Variants in SUCLA2 observed in about 807,000 individuals in gnomAD.
SUCLA2 encodes succinate-CoA ligase ADP-forming subunit beta, also known as succinate--CoA ligase [ADP-forming] subunit beta, mitochondrial.
A neutral mutation model predicts 54.8 loss-of-function variants in SUCLA2; 30 were observed. That is an observed-to-expected ratio of 0.55 (90% CI 0.41 to 0.74). The LOEUF (loss-of-function observed/expected upper bound fraction) is 0.74, where lower values mean the gene tolerates loss of function less well. Among genes scored for constraint, SUCLA2 ranks in the 30% least tolerant of loss-of-function variants. The pLI is 0.00. For synonymous variants in SUCLA2, 172 were observed against 188.9 expected, an observed-to-expected ratio of 0.91 and a Z score of 0.74; for missense variants, 476 against 562.9, an observed-to-expected ratio of 0.85 and a Z score of 1.56.
At chr13:47,949,264 A>C (rs1381064247) in intron 9 of SUCLA2, among the ~76,000 whole-genome samples, 3 of 152,234 alleles carry the variant, frequency 2.0e-5, no homozygotes, top group Non-Finnish European at 4.4e-5. Context: ...ATTCAAGACA[A>C]ATCACAACAA....
intron 9 of SUCLA2, 62 bp downstream of exon 9, chr13:47,949,421 C>G: frequency 1.3e-6 from 2 of 1,585,308 alleles, no homozygotes; most frequent in Non-Finnish European, 1.7e-6. Context: ...ACAAACTGAA[C>G]TCCATGGAAA....
At chr13:47,945,412 G>T in intron 10 of SUCLA2, among the ~76,000 whole-genome samples, 1 of 86,812 alleles carries the variant, frequency 1.2e-5, no homozygotes, top group African/African-American at 4.4e-5. Flanking sequence ...GACAGAGCAA[G>T]ACTCAGTCTC....
chr13:47,996,436 A>G (rs1269050049), intron 2 of SUCLA2, among the ~76,000 whole-genome samples: 1 of 151,824 alleles, frequency 6.6e-6, no homozygotes, highest in Non-Finnish European at 1.5e-5. Flanking sequence ...AAAAAAATGG[A>G]GGGGGAAGCA....
chr13:47,999,300 A>C (rs1950211093), intron 1 of SUCLA2, among the ~76,000 whole-genome samples: 1 of 152,230 alleles, frequency 6.6e-6, no homozygotes, highest in African/African-American at 2.4e-5. Context: ...CACTGCGGTT[A>C]TTTGGAAGAA....
intron 6 of SUCLA2, among the ~76,000 whole-genome samples, chr13:47,955,365 C>A (rs1949812091): frequency 6.6e-6 from 1 of 152,044 alleles, no homozygotes. Flanking sequence ...CAACACCCAG[C>A]TAATTTTTGT....
chr13:47,982,749 A>C (rs1326896867), intron 4 of SUCLA2, among the ~76,000 whole-genome samples: 1 of 151,578 alleles, frequency 6.6e-6, no homozygotes, highest in Non-Finnish European at 1.5e-5. Flanking sequence ...AAGCTTGGGG[A>C]GCTTTGGGTT....
At chr13:47,996,802 C>G in intron 2 of SUCLA2, 41 bp downstream of exon 2, 3 of 1,595,606 alleles carry the variant, frequency 1.9e-6, no homozygotes, top group Non-Finnish European at 2.6e-6. Context: ...CTTCTCAGAG[C>G]TCTCATGTCA....
At chr13:47,974,189 A>G (rs1006957657) in intron 4 of SUCLA2, among the ~76,000 whole-genome samples, 20 of 152,200 alleles carry the variant, frequency 1.3e-4, no homozygotes, top group South Asian at 4.1e-4. Context: ...CATTAAAAGT[A>G]TTGCTTAAAG....
In SUCLA2 at chr13:47,949,690, T is replaced by C; in HGVS notation, c.1108-87A>G. On this transcript the variant is annotated intron_variant, in intron 8 of 10. Coordinates refer to ENST00000646932, the MANE Select transcript of SUCLA2 (RefSeq NM_003850.3). The stretch of plus-strand genomic sequence containing the variant: ...AAATACTAGTATATGTGCTTCATGA[T>C]AAACATTAACTTGATAGAAAGATTT... 8.1e-6 allele frequency: 11 copies of C among 1,351,630 alleles called. No homozygotes were observed. The South Asian group carries it at 1.1e-4, about 13-fold the overall frequency. The allele number at this position is 1,351,630 out of a possible 1,614,324, so 83.7% of individuals were successfully genotyped here. A position where few individuals can be genotyped will look rare whatever the true frequency, so the allele number is the denominator to read the frequency against.
At chr13:47,948,834 A>G in intron 10 of SUCLA2, 106 bp downstream of exon 10, 2 of 1,062,856 alleles carry the variant, frequency 1.9e-6, no homozygotes, top group East Asian at 2.4e-5. Flanking sequence ...CATTCATTAC[A>G]CTCATAATAT....
Position 47,943,421 on chromosome 13 carries a change from T to C in SUCLA2, c.1342A>G (p.Thr448Ala), listed in dbSNP as rs1949701103. Residue 448 changes from threonine to alanine, a missense_variant, in exon 11 of 11, where the codon ACC (threonine) becomes GCC (alanine). Thr to Ala is a moderately conservative substitution (Grantham distance 58). Coordinates refer to ENST00000646932, the MANE Select transcript of SUCLA2 (RefSeq NM_003850.3). ...RMVVKLSEIV[T>A]LAKQAHVDVK... ...TCCACATGTGCTTGCTTCGCTAAGG[T>C]CACTATTTCAGAGAGCTTTACAACC... 1 of 1,613,884 alleles carries C rather than the reference T, an allele frequency of 6.2e-7. No individual in the cohort carries two copies. The highest frequency in any genetic ancestry group is 8.5e-7 in the Non-Finnish European group (1 of 1,179,852).
intron 6 of SUCLA2, among the ~76,000 whole-genome samples, chr13:47,955,448 C>A (rs367987190): frequency 6.6e-6 from 1 of 152,128 alleles, no homozygotes. Flanking sequence ...GTAATCCACC[C>A]GCCTCAGCCT....
intron 4 of SUCLA2, among the ~76,000 whole-genome samples, chr13:47,984,350 C>A (rs1422602846): frequency 2.5e-5 from 3 of 119,268 alleles, no homozygotes; most frequent in Non-Finnish European, 3.8e-5. Context: ...CCCCCCACCA[C>A]GCCCAGCTAA....
intron 4 of SUCLA2, 177 bp downstream of exon 4, chr13:47,988,364 A>C (rs888806378): frequency 1.5e-6 from 1 of 661,052 alleles, no homozygotes; most frequent in Non-Finnish European, 2.5e-6. Flanking sequence ...TATATATCAA[A>C]TTTTACGGCA....
intron 4 of SUCLA2, among the ~76,000 whole-genome samples, chr13:47,974,498 G>A (rs375192996): frequency 7.2e-5 from 11 of 152,040 alleles, no homozygotes; most frequent in African/African-American, 2.4e-4. Flanking sequence ...GAAATGGGAC[G>A]ATGGCTTGAG....
chr13:47,949,701 T>C (rs1949761547), intron 8 of SUCLA2, 98 bp from the exon 9 acceptor site: 3 of 1,292,750 alleles, frequency 2.3e-6, no homozygotes, highest in Non-Finnish European at 3.3e-6. Flanking sequence ...AAACATTAAC[T>C]TGATAGAAAG....
intron 2 of SUCLA2, among the ~76,000 whole-genome samples, chr13:47,989,961 A>T (rs1853815857): frequency 6.6e-6 from 1 of 152,196 alleles, no homozygotes; most frequent in Non-Finnish European, 1.5e-5. Flanking sequence ...AGGTAGACTG[A>T]TTACTATTTA....
At chr13:47,994,593 C>G (rs572195786) in intron 2 of SUCLA2, among the ~76,000 whole-genome samples, 1 of 149,374 alleles carries the variant, frequency 6.7e-6, no homozygotes, top group South Asian at 2.1e-4. Context: ...AAAAAAACCA[C>G]GAAATTGTCC....
At chr13:47,960,042 C>T (rs1949856319) in intron 6 of SUCLA2, among the ~76,000 whole-genome samples, 1 of 151,862 alleles carries the variant, frequency 6.6e-6, no homozygotes, top group Admixed American at 6.6e-5. Context: ...GAATTGTGTA[C>T]CAGGAATAAA....
Sources: gnomAD v4.1 joint callset for allele counts (sites outside exome capture counted in the v4.1 genomes callset) on GRCh38, gnomAD v4.1.1 for gene constraint, MANE v1.5 for transcripts, NCBI Gene and HGNC (gene_info 2026-07-23, HGNC 2026-07-21) for gene names.